The following GRAP2 variants were observed in gnomAD, a reference collection of about 807,000 sequenced individuals.
GRAP2 encodes the protein GRB2 related adaptor protein 2.
A neutral mutation model predicts 43.5 loss-of-function variants in GRAP2; 31 were observed. The observed-to-expected ratio is 0.71, with a 90% CI of 0.54 to 0.96. The LOEUF (loss-of-function observed/expected upper bound fraction) is 0.96, where lower values mean the gene tolerates loss of function less well. Ranked by LOEUF, GRAP2 falls within the 40% of genes least tolerant of loss-of-function variation. GRAP2 has a pLI of 0.00. For missense variants in GRAP2, 371 were observed against 424.4 expected, an observed-to-expected ratio of 0.87 and a Z score of 1.11; for synonymous variants, 156 against 164.8, an observed-to-expected ratio of 0.95 and a Z score of 0.41.
Position 39,965,828 on chromosome 22 carries a change from G to A in GRAP2, c.291-162G>A, listed in dbSNP as rs2067166366. On this transcript the variant is annotated intron_variant, in intron 4 of 7. Transcript: ENST00000344138. ...AAGTGGTCCATCCTACAAAGTTCCT[G>A]CCGAAGCCTGACTGGGCTGGCCCAC... Among the ~76,000 whole-genome samples the A allele has an allele frequency of 3.9e-5, 6 of 152,172 alleles. 1 individual carries two copies. The highest frequency in any genetic ancestry group is 3.9e-4 in the Admixed American group (6 of 15,276).
chr22:39,923,095 A>C lies in GRAP2; in HGVS notation c.-15+21765A>C, dbSNP rs888544608. Among the ~76,000 whole-genome samples, 113 of 152,174 alleles carry C rather than the reference A, an allele frequency of 7.4e-4. 2 individuals are homozygous for C. Among genetic ancestry groups the C allele is most frequent in the Non-Finnish European group, 1.1e-3 (74 of 68,018 alleles). On this transcript the variant is annotated intron_variant, in intron 1 of 7. Coordinates refer to ENST00000344138, the MANE Select transcript of GRAP2 (RefSeq NM_004810.4). ...AAAATATAGTGTTTAGAGACCCATT[A>C]GTGGAAGATACCAGATTTGAGAAAG...
intron 6 of GRAP2, 186 bp downstream of exon 6, chr22:39,968,458 A>G (rs2067199575): frequency 1.9e-6 from 1 of 523,334 alleles, no homozygotes; most frequent in African/African-American, 2.0e-5. Flanking sequence ...CTCCCACCTG[A>G]ACACACACAC....
At chr22:39,947,330 C>G (rs963267454) in intron 2 of GRAP2, 146 bp downstream of exon 2, 12 of 651,932 alleles carry the variant, frequency 1.8e-5, no homozygotes, top group Non-Finnish European at 3.1e-5. Context: ...ACCCTTATAC[C>G]AGACACCAAC....
chr22:39,896,500 A>G (rs544021719), upstream of GRAP2, among the ~76,000 whole-genome samples: 1 of 152,272 alleles, frequency 6.6e-6, no homozygotes, highest in South Asian at 2.1e-4. Context: ...GGACATTTTG[A>G]ATCTGAGCAA....
intron 2 of GRAP2, among the ~76,000 whole-genome samples, chr22:39,952,478 G>A (rs1424498522): frequency 6.6e-6 from 1 of 152,206 alleles, no homozygotes; most frequent in African/African-American, 2.4e-5. Flanking sequence ...GATGGATGGA[G>A]TGCAGTGTGC....
At chr22:39,894,231 A>G in the GRAP2 span, among the ~76,000 whole-genome samples, 1 of 151,980 alleles carries the variant, frequency 6.6e-6, no homozygotes, top group Non-Finnish European at 1.5e-5. Flanking sequence ...CTAGCATAAT[A>G]TCTCTTTTTT....
At chr22:39,928,179 T>C (rs544097271) in intron 1 of GRAP2, among the ~76,000 whole-genome samples, 8 of 152,370 alleles carry the variant, frequency 5.3e-5, no homozygotes, top group African/African-American at 1.9e-4. Flanking sequence ...ACACCTCTTT[T>C]TTTTTGTCTT....
rs1176082583 is a variant in GRAP2 at position 39,973,286 on chromosome 22, G to T, written c.*2202G>T. 6.6e-6 allele frequency: 1 copy of T among 152,216 alleles called. No homozygotes were observed. Among genetic ancestry groups the T allele is most frequent in the Non-Finnish European group, 1.5e-5 (1 of 68,066 alleles). 9.4% of individuals were successfully genotyped at this position (152,216 alleles called of 1,614,324 possible). A position where few individuals can be genotyped will look rare whatever the true frequency, so the allele number is the denominator to read the frequency against. ...GTGATTCGATTCTGGTGGAGACTTT[G>T]TGCCTTGAAAGGCTTCTCAGGAAAG... On this transcript the variant is annotated 3_prime_UTR_variant, in exon 8 of 8. Coordinates refer to ENST00000344138, the MANE Select transcript of GRAP2 (RefSeq NM_004810.4).
At chr22:39,938,830 G>A (rs1281383511) in intron 1 of GRAP2, among the ~76,000 whole-genome samples, 3 of 152,176 alleles carry the variant, frequency 2.0e-5, no homozygotes, top group African/African-American at 7.2e-5. Flanking sequence ...ATGGGAGTGG[G>A]GAGCGCCCTG....
At chr22:39,964,328 G>A (rs940746656) in intron 4 of GRAP2, 3 of 695,756 alleles carry the variant, frequency 4.3e-6, no homozygotes, top group Non-Finnish European at 7.8e-6. Flanking sequence ...TGATCTAAAA[G>A]AAGTTATCGT....
intron 1 of GRAP2, among the ~76,000 whole-genome samples, chr22:39,940,447 G>T (rs149193274): frequency 6.2e-4 from 92 of 148,812 alleles, no homozygotes; most frequent in African/African-American, 2.2e-3. Context: ...GTCTCTAGAA[G>T]AATATTTAAG....
chr22:39,925,061 A>G (rs977828970), intron 1 of GRAP2, among the ~76,000 whole-genome samples: 1 of 152,156 alleles, frequency 6.6e-6, no homozygotes, highest in Non-Finnish European at 1.5e-5. Context: ...TACGGCAGGC[A>G]GGGTGGGGAT....
intron 1 of GRAP2, among the ~76,000 whole-genome samples, chr22:39,914,803 T>C (rs1186446149): frequency 1.3e-5 from 2 of 152,168 alleles, no homozygotes; most frequent in Non-Finnish European, 2.9e-5. Flanking sequence ...TATTGTGGGA[T>C]GCGACAGAAC....
In GRAP2 at chr22:39,959,041, G is replaced by C. The variant is rs905762699; in HGVS notation, c.171-1014G>C. ...GGAATCCAAAGCCAAGGCCTGACGG[G>C]CTTTTATCTTAAAGGAACATGCGTA... On this transcript the variant is annotated intron_variant, in intron 3 of 7. Transcript: ENST00000344138. Among the ~76,000 whole-genome samples the C allele has an allele frequency of 4.9e-4, 74 of 152,208 alleles. 1 individual carries two copies. The highest frequency in any genetic ancestry group is 1.7e-3 in the African/African-American group (72 of 41,436).
At chr22:39,960,017 T>A (rs1464387588) in intron 3 of GRAP2, 38 bp from the exon 4 acceptor site, 2 of 1,609,392 alleles carry the variant, frequency 1.2e-6, no homozygotes, top group South Asian at 2.2e-5. Context: ...CACTCCTGTG[T>A]CTCATCCTGA....
chr22:39,946,097 G>A (rs1478448353), intron 1 of GRAP2, among the ~76,000 whole-genome samples: 1 of 152,216 alleles, frequency 6.6e-6, no homozygotes, highest in East Asian at 1.9e-4. Context: ...CTGACCTCAG[G>A]TGATCTGCCC....
Position 39,972,209 on chromosome 22 carries a change from G to A in GRAP2, c.*1125G>A, listed in dbSNP as rs1366727547. The stretch of plus-strand genomic sequence containing the variant: ...CTCCATCCCATCACGCTAGAATCAT[G>A]TGTCCAAGGGCTCACTCTGGAGGTG... On this transcript the variant is annotated 3_prime_UTR_variant, in exon 8 of 8. Transcript: ENST00000344138. 1 of 152,426 alleles carries A rather than the reference G, an allele frequency of 6.6e-6. No homozygotes were observed. Among genetic ancestry groups the A allele is most frequent in the African/African-American group, 2.4e-5 (1 of 41,474 alleles). 9.4% of individuals were successfully genotyped at this position (152,426 alleles called of 1,614,324 possible). A position where few individuals can be genotyped will look rare whatever the true frequency, so the allele number is the denominator to read the frequency against.
chr22:39,973,644 A>G lies in GRAP2; in HGVS notation c.*2560A>G, dbSNP rs2067267196. 6.6e-6 allele frequency: 1 copy of G among 152,234 alleles called. No individual in the cohort carries two copies. The highest frequency in any genetic ancestry group is 6.5e-5 in the Admixed American group (1 of 15,280). 9.4% of individuals were successfully genotyped at this position (152,234 alleles called of 1,614,324 possible). On this transcript the variant is annotated 3_prime_UTR_variant, in exon 8 of 8. Coordinates refer to ENST00000344138, the MANE Select transcript of GRAP2 (RefSeq NM_004810.4). ...TAGCGGCCAGGTAAAGAGGACAAGA[A>G]CCAAACTGTCCACATTATGGAGGGG...
At chr22:39,952,480 G>A in intron 2 of GRAP2, among the ~76,000 whole-genome samples, 1 of 152,190 alleles carries the variant, frequency 6.6e-6, no homozygotes, top group Non-Finnish European at 1.5e-5. Flanking sequence ...TGGATGGAGT[G>A]CAGTGTGCTC....
Sources: allele counts gnomAD v4.1 joint callset (sites outside exome capture counted in the v4.1 genomes callset), GRCh38; gene constraint gnomAD v4.1.1; transcripts MANE v1.5; gene names NCBI Gene and HGNC (gene_info 2026-07-23, HGNC 2026-07-21).